Variants in ZNF613 observed in about 807,000 individuals in gnomAD.
ZNF613 encodes the protein zinc finger protein 613.
A neutral mutation model predicts 14.3 loss-of-function variants in ZNF613; 8 were observed. The ratio of observed to expected loss-of-function variants is 0.56; its 90% confidence interval spans 0.33 to 1.01. ZNF613 has a LOEUF of 1.01. ZNF613 is among the 50% of genes least tolerant of loss of function. The pLI is 0.03. For synonymous variants in ZNF613, 228 were observed against 254.5 expected (o/e 0.90, Z 0.99); for missense variants, 656 against 741.9 (o/e 0.88, Z 1.35).
Position 51,944,723 on chromosome 19 carries a change from A to G in ZNF613, c.840A>G (p.Lys280=). 1 of 1,613,774 alleles carries G rather than the reference A, an allele frequency of 6.2e-7. No homozygotes were observed. Among genetic ancestry groups the G allele is most frequent in the Non-Finnish European group, 8.5e-7 (1 of 1,179,980 alleles). ...RWKSQLNAHQ[K]IHTGEKSYIC... Reference sequence around the variant, plus strand: ...AATCACAGCTCAATGCACACCAGAAAATTCATACAGGAGAGAAGTCATATA... The same window carrying G: ...AATCACAGCTCAATGCACACCAGAAGATTCATACAGGAGAGAAGTCATATA... Residue 280 remains lysine, a synonymous_variant, in exon 6 of 6, where the codon AAA becomes AAG. Coordinates refer to ENST00000293471, the MANE Select transcript of ZNF613 (RefSeq NM_001031721.4).
chr19:51,940,418 C>G, intron 4 of ZNF613, 83 bp downstream of exon 4: 1 of 1,605,208 alleles, frequency 6.2e-7, no homozygotes, highest in Non-Finnish European at 8.5e-7. Flanking sequence ...TCTGGAGGGC[C>G]TGTGGTGCTC....
At chr19:51,928,583 C>T (rs1238471051) in intron 1 of ZNF613, among the ~76,000 whole-genome samples, 1 of 152,134 alleles carries the variant, frequency 6.6e-6, no homozygotes, top group Non-Finnish European at 1.5e-5. Flanking sequence ...GTAAGGTGGC[C>T]TGGCGCGGTG....
intron 2 of ZNF613, among the ~76,000 whole-genome samples, chr19:51,930,988 T>G (rs563831480): frequency 6.6e-6 from 1 of 152,334 alleles, no homozygotes; most frequent in East Asian, 1.9e-4. Flanking sequence ...TTCTCATGGT[T>G]TTGATTTGCA....
At chr19:51,939,568 G>T (rs950433312) in intron 3 of ZNF613, among the ~76,000 whole-genome samples, 5 of 152,072 alleles carry the variant, frequency 3.3e-5, no homozygotes, top group Admixed American at 2.0e-4. Flanking sequence ...GACCTCAGGT[G>T]ATCCGCCCGC....
chr19:51,930,985 G>C (rs1368634095), intron 2 of ZNF613, among the ~76,000 whole-genome samples: 1 of 152,056 alleles, frequency 6.6e-6, no homozygotes, highest in Non-Finnish European at 1.5e-5. Context: ...GGTTTCTCAT[G>C]GTTTTGATTT....
intron 5 of ZNF613, among the ~76,000 whole-genome samples, chr19:51,942,260 A>G (rs1171545939): frequency 2.0e-5 from 3 of 152,224 alleles, no homozygotes; most frequent in Non-Finnish European, 2.9e-5. Flanking sequence ...AGACTATTAC[A>G]TATGGGCCCT....
At chr19:51,940,550 G>A in intron 4 of ZNF613, 67 bp from the exon 5 acceptor site, 1 of 1,530,496 alleles carries the variant, frequency 6.5e-7, no homozygotes, top group Non-Finnish European at 8.9e-7. Flanking sequence ...AACAGAACAT[G>A]GTCCCATGTT....
intron 5 of ZNF613, chr19:51,942,801 C>G (rs527602188): frequency 1.3e-5 from 2 of 151,918 alleles, no homozygotes; most frequent in African/African-American, 4.9e-5. Flanking sequence ...CTGGTTCAAG[C>G]GATTCTCCTG....
rs768434923 is a variant in ZNF613 at position 51,940,725 on chromosome 19, G to C, written c.235+16G>C. On this transcript the variant is annotated intron_variant, in intron 5 of 5. Transcript: ENST00000293471. ...ATCTGTCCAGGTGAGTTCAGGGTGA[G>C]AGCCAGCAAGGAGGGTGGCTGAGCA... 9.4e-6 allele frequency: 15 copies of C among 1,602,684 alleles called. No homozygotes were observed. The highest frequency in any genetic ancestry group is 1.1e-5 in the South Asian group (1 of 89,574).
Position 51,944,710 on chromosome 19 carries a change from A to G in ZNF613, c.827A>G (p.Asn276Ser), listed in dbSNP as rs2085379901. ...GCATTCCGCTGGAAATCACAGCTCA[A>G]TGCACACCAGAAAATTCATACAGGA... is the stretch of plus-strand genomic sequence containing the variant. ...DKAFRWKSQL[N>S]AHQKIHTGEK... The change falls in exon 6 of 6, where the codon AAT becomes AGT. Residue 276 changes from asparagine to serine, a missense_variant. By Grantham distance (46) the Asn-to-Ser change is conservative (BLOSUM62 1). Coordinates refer to ENST00000293471, the MANE Select transcript of ZNF613 (RefSeq NM_001031721.4). The G allele has an allele frequency of 2.5e-6, 4 of 1,613,848 alleles. No homozygotes were observed. Among genetic ancestry groups the G allele is most frequent in the African/African-American group, 1.3e-5 (1 of 74,818 alleles).
chr19:51,931,086 G>C (rs1356316654), intron 2 of ZNF613, among the ~76,000 whole-genome samples: 1 of 152,168 alleles, frequency 6.6e-6, no homozygotes, highest in African/African-American at 2.4e-5. Context: ...ATATGGAATT[G>C]TTAGTATTTT....
In ZNF613 at chr19:51,945,678, G is replaced by T; in HGVS notation, c.1795G>T (p.Val599Leu). The T allele has an allele frequency of 6.2e-7, 1 of 1,614,134 alleles. No homozygotes were observed. The highest frequency in any genetic ancestry group is 8.5e-7 in the Non-Finnish European group (1 of 1,180,014). Residue 599 changes from valine to leucine, a missense_variant, in exon 6 of 6, where the codon GTG becomes TTG. Val to Leu is a conservative substitution (Grantham distance 32). Coordinates refer to ENST00000293471, the MANE Select transcript of ZNF613 (RefSeq NM_001031721.4). Reference protein sequence around the residue: ...AFQAESKVAIVSQPVARSSVS... With the variant: ...AFQAESKVAILSQPVARSSVS... ...CCAAGCAGAGAGCAAAGTAGCCATT[G>T]TGAGCCAGCCTGTTGCCAGAAGTTC...
At chr19:51,930,474 C>G (rs2122804119) in intron 2 of ZNF613, among the ~76,000 whole-genome samples, 1 of 152,246 alleles carries the variant, frequency 6.6e-6, no homozygotes, top group Admixed American at 6.5e-5. Context: ...GTTGGCCAGG[C>G]TGGTCTCAAA....
At chr19:51,933,280 T>G (rs1396245910) in intron 2 of ZNF613, among the ~76,000 whole-genome samples, 3 of 152,232 alleles carry the variant, frequency 2.0e-5, no homozygotes, top group Non-Finnish European at 4.4e-5. Context: ...ACCTTTCCTC[T>G]GTGACTCAAG....
At chr19:51,935,949 G>C (rs1599904996) in intron 2 of ZNF613, 79 bp from the exon 3 acceptor site, 3 of 378,518 alleles carry the variant, frequency 7.9e-6, no homozygotes, top group African/African-American at 4.1e-5. Flanking sequence ...AGATGGCCTT[G>C]CATTAAGGTG....
At chr19:51,928,009 G>GCTATCGATCTATCTAT (rs2085229197) in intron 1 of ZNF613, 2 of 146,898 alleles carry the variant, frequency 1.4e-5, no homozygotes, top group African/African-American at 5.3e-5. Context: ...GCGCCACCAC[G>GCTATCGATCTATCTAT]CTATCTATCT....
At chr19:51,929,358 A>G (rs2085245640) in intron 1 of ZNF613, among the ~76,000 whole-genome samples, 1 of 152,194 alleles carries the variant, frequency 6.6e-6, no homozygotes, top group South Asian at 2.1e-4. Context: ...AGAATGGGTT[A>G]CAATTCTATG....
Position 51,936,131 on chromosome 19 carries a change from A to G in ZNF613, c.-90A>G. ...GCAGGGATGTAATTCACCAGAGACC[A>G]AGATTTCTAGCCAGAAATTGAGGGC... is the stretch of plus-strand genomic sequence containing the variant. On this transcript the variant is annotated 5_prime_UTR_variant, in exon 3 of 6. Transcript: ENST00000293471. The G allele has an allele frequency of 7.1e-7, 1 of 1,418,416 alleles. No homozygotes were observed. 87.9% of individuals were successfully genotyped at this position (1,418,416 alleles called of 1,614,324 possible). A position where few individuals can be genotyped will look rare whatever the true frequency, so the allele number is the denominator to read the frequency against.
chr19:51,928,179 T>C (rs989691523), intron 1 of ZNF613, among the ~76,000 whole-genome samples: 20 of 152,154 alleles, frequency 1.3e-4, no homozygotes, highest in African/African-American at 4.6e-4. Flanking sequence ...CCTCTCACCT[T>C]GGCCTCCCAA....
Sources: gnomAD v4.1 joint callset for allele counts (sites outside exome capture counted in the v4.1 genomes callset) on GRCh38, gnomAD v4.1.1 for gene constraint, MANE v1.5 for transcripts, NCBI Gene and HGNC (gene_info 2026-07-23, HGNC 2026-07-21) for gene names.